The following ANK3 variants were observed in gnomAD, a reference collection of about 807,000 sequenced individuals.
The protein encoded by ANK3 is ankyrin 3.
A neutral mutation model predicts 370.9 loss-of-function variants in ANK3; 57 were observed. The observed-to-expected ratio is 0.15, with a 90% CI of 0.12 to 0.19. The LOEUF (loss-of-function observed/expected upper bound fraction) is 0.19. Ranked by LOEUF, ANK3 falls within the 10% of genes least tolerant of loss-of-function variation. ANK3 has a pLI of 1.00. For synonymous variants in ANK3, 1,929 were observed against 1,946.3 expected (o/e 0.99, Z 0.23); for missense variants, 4,439 against 5,302.1 (o/e 0.84, Z 5.06).
At chr10:60,564,086 A>T (rs2077402966) in intron 2 of ANK3, among the ~76,000 whole-genome samples, 1 of 152,198 alleles carries the variant, frequency 6.6e-6, no homozygotes, top group Non-Finnish European at 1.5e-5. Context: ...GTACTGGAGG[A>T]GTCAAAATTT....
At chr10:60,165,485 G>A (rs1482831261) in intron 23 of ANK3, among the ~76,000 whole-genome samples, 1 of 152,120 alleles carries the variant, frequency 6.6e-6, no homozygotes, top group African/African-American at 2.4e-5. Context: ...CAGATCCTCC[G>A]AGGTCCCTAA....
chr10:60,172,882 C>G lies in ANK3; in HGVS notation c.2382+18G>C. On this transcript the variant is annotated intron_variant, in intron 20 of 43. Transcript: ENST00000280772. Reference sequence around the variant, plus strand: ...TCTATCTCCTCCCTCTTCTCCTGAGCTGGCCCTGAGCGCTTACCACAGTGA... The same window carrying G: ...TCTATCTCCTCCCTCTTCTCCTGAGGTGGCCCTGAGCGCTTACCACAGTGA... 1 of 1,569,166 alleles carries G rather than the reference C, an allele frequency of 6.4e-7. No individual in the cohort carries two copies. Among genetic ancestry groups the G allele is most frequent in the South Asian group, 1.1e-5 (1 of 89,446 alleles).
At chr10:60,051,836 A>T (rs1274974982) in intron 42 of ANK3, among the ~76,000 whole-genome samples, 6 of 151,808 alleles carry the variant, frequency 4.0e-5, no homozygotes, top group African/African-American at 1.5e-4. Flanking sequence ...GTTATAAGTT[A>T]TTAAAAAATA....
At chr10:60,651,738 G>C (rs777996099) in intron 1 of ANK3, among the ~76,000 whole-genome samples, 5 of 151,980 alleles carry the variant, frequency 3.3e-5, no homozygotes, top group Non-Finnish European at 7.4e-5. Flanking sequence ...CTACTTTGTT[G>C]GGTTTTTATG....
At chr10:60,688,377 T>C (rs758439336) in intron 1 of ANK3, among the ~76,000 whole-genome samples, 3 of 152,216 alleles carry the variant, frequency 2.0e-5, no homozygotes, top group Non-Finnish European at 4.4e-5. Context: ...AGAATTACTA[T>C]TTAATTAGCA....
intron 2 of ANK3, among the ~76,000 whole-genome samples, chr10:60,416,573 T>G (rs1049984888): frequency 2.0e-5 from 3 of 152,232 alleles, no homozygotes; most frequent in African/African-American, 7.2e-5. Flanking sequence ...AACTGAGAAG[T>G]GTTACATTAG....
rs1555089883 is a variant in ANK3 at position 60,186,347 on chromosome 10, C to CT, written c.2085+367dup. 7.4e-3 allele frequency among the ~76,000 whole-genome samples: 990 copies of CT among 133,242 alleles called. 6 individuals carry two copies. The highest frequency in any genetic ancestry group is 9.4e-3 in the Non-Finnish European group (588 of 62,548). 87.4% of individuals were successfully genotyped at this position (133,242 alleles called of 152,430 possible). A position where few individuals can be genotyped will look rare whatever the true frequency, so the allele number is the denominator to read the frequency against. ...TATTTATTTACCATTATCTTTCTGT[C>CT]TTTTTTTTTTTTTTTTTTAAAGAGA... On this transcript the variant is annotated intron_variant, in intron 17 of 43. Transcript: ENST00000280772.
In ANK3 at chr10:60,070,320, T is replaced by C. The variant is rs199522145; in HGVS notation, c.10561A>G (p.Ser3521Gly). 3.5e-5 allele frequency: 57 copies of C among 1,614,030 alleles called. No homozygotes were observed. Among genetic ancestry groups the C allele is most frequent in the Non-Finnish European group, 4.7e-5 (55 of 1,180,016 alleles). Residue 3521 changes from serine (S) to glycine (G), a missense_variant, in exon 37 of 44, where the codon AGT becomes GGT. By Grantham distance (56) the Ser-to-Gly change is moderately conservative. Transcript: ENST00000280772. This position sits in a 1 kb window ranked among gnomAD's most constrained non-coding sequence, Gnocchi z 5.7. ...DRSVFPDTYF[S>G]YKVDEEFATP... Reference sequence around the variant, plus strand: ...GCAAATTCTTCATCTACTTTGTAACTGAAGTAAGTATCAGGAAACACTGAT... The same window carrying C: ...GCAAATTCTTCATCTACTTTGTAACCGAAGTAAGTATCAGGAAACACTGAT...
chr10:60,055,698 C>G lies in ANK3; in HGVS notation c.13025G>C (p.Ser4342Thr), dbSNP rs771850741. 1.5e-5 allele frequency: 24 copies of G among 1,613,922 alleles called. No homozygotes were observed. Among genetic ancestry groups the G allele is most frequent in the Non-Finnish European group, 1.9e-5 (23 of 1,179,998 alleles). Reference protein sequence around the residue: ...TSPADGKPRLSLHEEEGSSGS... With the variant: ...TSPADGKPRLTLHEEEGSSGS... ...ACTGGACCCCTCTTCTTCATGGAGG[C>G]TAAGCCTTGGCTTGCCATCTGCTGG... Residue 4342 changes from serine to threonine, a missense_variant, in exon 42 of 44, where the codon AGC (serine) becomes ACC (threonine). Around this residue, in one of 13 missense-constraint regions of ANK3, gnomAD observed 242 missense variants for 228.0 expected, o/e 1.06. Transcript: ENST00000280772.
At chr10:60,278,702 C>G (rs1592947815) in intron 4 of ANK3, 72 bp downstream of exon 4, 1 of 1,207,148 alleles carries the variant, frequency 8.3e-7, no homozygotes, top group East Asian at 2.3e-5. Context: ...GTGAACTAAG[C>G]AAGCACCTGA....
At chr10:60,171,166 T>C (rs1040244646) in intron 21 of ANK3, among the ~76,000 whole-genome samples, 3 of 152,186 alleles carry the variant, frequency 2.0e-5, no homozygotes, top group Admixed American at 1.3e-4. Context: ...GAAAGCAACA[T>C]GTGGAAATTT....
At chr10:60,105,799 C>T in intron 28 of ANK3, 106 bp downstream of exon 28, 2 of 1,252,166 alleles carry the variant, frequency 1.6e-6, no homozygotes, top group Non-Finnish European at 2.1e-6. Context: ...TGGGTCCTAG[C>T]TTAAAATACA....
At chr10:60,232,943 T>C (rs911546503) in intron 8 of ANK3, among the ~76,000 whole-genome samples, 41 of 152,204 alleles carry the variant, frequency 2.7e-4, no homozygotes, top group African/African-American at 9.4e-4. Context: ...TTTAGGATCA[T>C]GGAATCAGAA....
rs560738955 is a variant in ANK3, at chr10:60,693,616, G to A, written c.57+39647C>T. 7.7e-4 allele frequency among the ~76,000 whole-genome samples: 117 copies of A among 152,286 alleles called. 1 individual carries two copies. Among genetic ancestry groups the A allele is most frequent in the African/African-American group, 2.5e-3 (105 of 41,552 alleles). ...CCCTGACCCCCAAGCAGCCTAACTGGGAGGCACCCCCCAGCAGGGGCAGAT... is the reference window on the plus strand; with the variant it reads ...CCCTGACCCCCAAGCAGCCTAACTGAGAGGCACCCCCCAGCAGGGGCAGAT... On this transcript the variant is annotated intron_variant, in intron 1 of 43. Coordinates refer to the ANK3 transcript ENST00000373827.
intron 2 of ANK3, among the ~76,000 whole-genome samples, chr10:60,559,821 A>G (rs1036004305): frequency 6.6e-6 from 1 of 152,166 alleles, no homozygotes; most frequent in Non-Finnish European, 1.5e-5. Flanking sequence ...ACATCAGTAC[A>G]TCAATTATCT....
intron 23 of ANK3, 27 bp downstream of exon 23, chr10:60,166,564 T>A: frequency 6.3e-7 from 1 of 1,591,204 alleles, no homozygotes; most frequent in Non-Finnish European, 8.6e-7. Context: ...GTAGTTAAGT[T>A]TCATCACAAT....
chr10:60,589,616 C>T (rs1349109467), intron 2 of ANK3, among the ~76,000 whole-genome samples: 1 of 152,066 alleles, frequency 6.6e-6, no homozygotes, highest in Non-Finnish European at 1.5e-5. Flanking sequence ...GAAGAGAGCG[C>T]CTTAATCTCC....
At chr10:60,408,496 C>T (rs548047447) in intron 2 of ANK3, among the ~76,000 whole-genome samples, 4 of 152,184 alleles carry the variant, frequency 2.6e-5, no homozygotes, top group Admixed American at 1.3e-4. Flanking sequence ...TGAAAGCTCC[C>T]GGAGGCCTCC....
At chr10:60,476,701 G>T (rs2075074409) in intron 2 of ANK3, among the ~76,000 whole-genome samples, 2 of 152,094 alleles carry the variant, frequency 1.3e-5, no homozygotes, top group Admixed American at 1.3e-4. Context: ...CCAAAACTCT[G>T]AATATGAATT....
Sources: allele counts gnomAD v4.1 joint callset (sites outside exome capture counted in the v4.1 genomes callset), GRCh38; gene constraint gnomAD v4.1.1; regional missense constraint gnomAD v4.1.1; non-coding constraint Gnocchi (gnomAD v3.1); transcripts MANE v1.5; gene names NCBI Gene and HGNC (gene_info 2026-07-23, HGNC 2026-07-21).